The following SOX6 variants were observed in gnomAD, a reference collection of about 807,000 sequenced individuals.
The protein encoded by SOX6 is SRY-box transcription factor 6, also known as transcription factor SOX-6.
In SOX6, 11 loss-of-function variants were observed where a neutral mutation model predicts 97.8. That is an observed-to-expected ratio of 0.11 (90% CI 0.07 to 0.19). The LOEUF (loss-of-function observed/expected upper bound fraction) is 0.19. Among genes scored for constraint, SOX6 ranks in the 10% least tolerant of loss-of-function variants. The pLI is 1.00. For synonymous variants in SOX6, 360 were observed against 371.4 expected (o/e 0.97, Z 0.35); for missense variants, 810 against 1,039.5 (o/e 0.78, Z 3.04).
intron 4 of SOX6, among the ~76,000 whole-genome samples, chr11:16,192,008 T>G (rs3740804): frequency 6.6e-6 from 1 of 152,098 alleles, no homozygotes. Flanking sequence ...AACACCTGAT[T>G]TATTTTATCT....
intron 3 of SOX6, among the ~76,000 whole-genome samples, chr11:16,280,376 GC>G (rs1400683857): frequency 1.7e-5 from 1 of 59,426 alleles, no homozygotes; most frequent in East Asian, 5.0e-4. Flanking sequence ...CTTTATTTGA[GC>G]TTTTTTTTTT....
chr11:16,352,072 A>G (rs909034353), intron 1 of SOX6, among the ~76,000 whole-genome samples: 5 of 152,062 alleles, frequency 3.3e-5, no homozygotes, highest in African/African-American at 1.2e-4. Context: ...ATGAAAAAGG[A>G]CTTAAAATAA....
intron 2 of SOX6, among the ~76,000 whole-genome samples, chr11:16,719,864 C>T (rs1848246494): frequency 6.6e-6 from 1 of 152,026 alleles, no homozygotes; most frequent in Admixed American, 6.6e-5. Context: ...GTAGAGGCTG[C>T]ACCACTGCAC....
chr11:16,055,188 C>T (rs2133920342), intron 10 of SOX6, among the ~76,000 whole-genome samples: 1 of 152,110 alleles, frequency 6.6e-6, no homozygotes, highest in East Asian at 1.9e-4. Flanking sequence ...TTATTTGTCC[C>T]ATTGCCCTCA....
intron 1 of SOX6, among the ~76,000 whole-genome samples, chr11:16,406,175 T>C (rs1201265949): frequency 6.6e-6 from 1 of 152,072 alleles, no homozygotes; most frequent in Non-Finnish European, 1.5e-5. Context: ...CTGAGTAGCT[T>C]GCTCTAGAAA....
At chr11:16,384,338 T>C (rs187772059) in intron 1 of SOX6, among the ~76,000 whole-genome samples, 1 of 151,906 alleles carries the variant, frequency 6.6e-6, no homozygotes, top group Non-Finnish European at 1.5e-5. Context: ...CATTCTATAC[T>C]GAGTTCCCTG....
intron 3 of SOX6, among the ~76,000 whole-genome samples, chr11:16,255,373 C>T (rs899182112): frequency 1.3e-5 from 2 of 151,974 alleles, no homozygotes; most frequent in African/African-American, 2.4e-5. Flanking sequence ...TAAAACACAA[C>T]AAGTTGAAAA....
At chr11:16,037,751 G>C (rs547670499) in intron 12 of SOX6, among the ~76,000 whole-genome samples, 2 of 152,048 alleles carry the variant, frequency 1.3e-5, no homozygotes, top group African/African-American at 4.8e-5. Context: ...TAAAGGTCTC[G>C]CCCATTCTTT....
chr11:16,644,464 T>G (rs1397803660), intron 3 of SOX6, among the ~76,000 whole-genome samples: 1 of 152,130 alleles, frequency 6.6e-6, no homozygotes, highest in African/African-American at 2.4e-5. Context: ...ACAGGAAAAT[T>G]TTTGCAGCAG....
At chr11:16,486,717 C>G (rs576026492) in intron 4 of SOX6, among the ~76,000 whole-genome samples, 122 of 151,778 alleles carry the variant, frequency 8.0e-4, no homozygotes, top group African/African-American at 2.9e-3. Flanking sequence ...AAAGATTGGC[C>G]GAGCATGATA....
intron 4 of SOX6, among the ~76,000 whole-genome samples, chr11:16,513,399 A>G (rs1860911431): frequency 2.6e-5 from 4 of 152,090 alleles, no homozygotes; most frequent in East Asian, 1.9e-4. Context: ...TTGGGAGGCC[A>G]AGGCGGGCGG....
chr11:16,703,019 AAATG>A (rs1294098576), intron 3 of SOX6, among the ~76,000 whole-genome samples: 1 of 151,388 alleles, frequency 6.6e-6, no homozygotes. Flanking sequence ...GCAAATGAAT[AAATG>A]AATAAAACAA....
intron 2 of SOX6, among the ~76,000 whole-genome samples, chr11:16,735,783 T>C (rs1848386617): frequency 6.6e-6 from 1 of 152,172 alleles, no homozygotes; most frequent in African/African-American, 2.4e-5. Context: ...TGGTACATGG[T>C]GGGTATTTAA....
At chr11:16,462,240 A>G (rs977840776) in intron 1 of SOX6, among the ~76,000 whole-genome samples, 4 of 152,232 alleles carry the variant, frequency 2.6e-5, no homozygotes, top group African/African-American at 9.6e-5. Flanking sequence ...CTATGCTATT[A>G]ACTTGCAAGC....
rs1199015697 is a variant in SOX6, at chr11:16,605,739, G to A, written n.609+6342C>T. Among the ~76,000 whole-genome samples the A allele has an allele frequency of 6.6e-6, 1 of 152,200 alleles. No individual in the cohort carries two copies. Among genetic ancestry groups the A allele is most frequent in the East Asian group, 1.9e-4 (1 of 5,148 alleles). The stretch of plus-strand genomic sequence containing the variant: ...TTCCAAACCGAAATGGGGGTGGGGT[G>A]GGGGTAGCATTAAGAAGCCCAGAAG... On this transcript the variant is annotated intron_variant and non_coding_transcript_variant, in intron 4 of 5. Coordinates refer to the SOX6 transcript ENST00000524520. This position sits in a 1 kb window ranked among gnomAD's most constrained non-coding sequence, Gnocchi z 5.3.
intron 1 of SOX6, among the ~76,000 whole-genome samples, chr11:16,441,202 T>G (rs1296671729): frequency 6.6e-6 from 1 of 152,162 alleles, no homozygotes; most frequent in Non-Finnish European, 1.5e-5. Flanking sequence ...CAGTAAAGGG[T>G]TCTTGCTTAT....
chr11:16,611,652 G>A (rs1322761861), intron 4 of SOX6, among the ~76,000 whole-genome samples: 1 of 152,214 alleles, frequency 6.6e-6, no homozygotes, highest in Non-Finnish European at 1.5e-5. Flanking sequence ...GTGCCCTTGG[G>A]ACTCTGCCTC....
intron 4 of SOX6, among the ~76,000 whole-genome samples, chr11:16,591,324 TAGATAGATAGATAGATAGATAGATAGAC>T (rs1041264783): frequency 4.1e-5 from 3 of 73,346 alleles, no homozygotes; most frequent in Non-Finnish European, 8.6e-5. Context: ...GATACATAGA[TAGATAGATAGATAGATAGATAGATAGAC>T]AGATAGATAG....
At chr11:16,497,686 C>T (rs1334185731) in intron 4 of SOX6, among the ~76,000 whole-genome samples, 4 of 152,070 alleles carry the variant, frequency 2.6e-5, no homozygotes, top group African/African-American at 7.2e-5. Context: ...GCCTAAGTAG[C>T]CGATTTGATC....
Sources: gnomAD v4.1 joint callset for allele counts (sites outside exome capture counted in the v4.1 genomes callset) on GRCh38, gnomAD v4.1.1 for gene constraint, Gnocchi (gnomAD v3.1) non-coding constraint, MANE v1.5 for transcripts, NCBI Gene and HGNC (gene_info 2026-07-23, HGNC 2026-07-21) for gene names.